PDLIM5: variants seen among roughly 807,000 people sequenced by gnomAD.
PDLIM5 encodes the protein PDZ and LIM domain 5.
PDLIM5 carries 34 observed loss-of-function variants against 64.2 expected under a neutral mutation model. The ratio of observed to expected loss-of-function variants is 0.53; its 90% CI spans 0.40 to 0.71. The LOEUF (loss-of-function observed/expected upper bound fraction) is 0.71, where lower values mean the gene tolerates loss of function less well. PDLIM5 is among the 30% of genes least tolerant of loss of function. The pLI is 0.00. For missense variants in PDLIM5, 683 were observed against 733.6 expected (o/e 0.93, Z 0.80); for synonymous variants, 253 against 269.1 (o/e 0.94, Z 0.59).
chr4:94,652,152 A>G (rs560295562), intron 9 of PDLIM5, among the ~76,000 whole-genome samples: 2 of 152,342 alleles, frequency 1.3e-5, no homozygotes, highest in South Asian at 4.1e-4. Context: ...TGTTCCAGGT[A>G]CATACCAACA....
At chr4:94,532,560 C>G (rs551553048) in intron 3 of PDLIM5, among the ~76,000 whole-genome samples, 1 of 152,140 alleles carries the variant, frequency 6.6e-6, no homozygotes, top group African/African-American at 2.4e-5. Context: ...GCGCCTGGGT[C>G]GTGACTGCCC....
At chr4:94,613,145 A>G (rs1738510494) in intron 7 of PDLIM5, among the ~76,000 whole-genome samples, 1 of 152,100 alleles carries the variant, frequency 6.6e-6, no homozygotes, top group Non-Finnish European at 1.5e-5. Flanking sequence ...GCTTGTAACT[A>G]AGGCCTTTCC....
intron 1 of PDLIM5, among the ~76,000 whole-genome samples, chr4:94,453,481 G>C (rs1723046558): frequency 6.6e-6 from 1 of 152,172 alleles, no homozygotes; most frequent in South Asian, 2.1e-4. Context: ...CCCAAGTAAA[G>C]GGAAGTTGCA....
At chr4:94,646,810 C>T (rs975146191) in intron 9 of PDLIM5, among the ~76,000 whole-genome samples, 2 of 152,152 alleles carry the variant, frequency 1.3e-5, no homozygotes, top group Admixed American at 6.5e-5. Context: ...CGTGCTCACA[C>T]CCGAATGATG....
At position 94,666,967 on chromosome 4, in the gene PDLIM5, C is replaced by T. The variant is rs1743110071; in HGVS notation, c.*2900C>T. 1 of 152,144 alleles carries T rather than the reference C, an allele frequency of 6.6e-6. No individual in the cohort carries two copies. Among genetic ancestry groups the T allele is most frequent in the Non-Finnish European group, 1.5e-5 (1 of 68,024 alleles). 9.4% of individuals were successfully genotyped at this position (152,144 alleles called of 1,614,324 possible). The stretch of plus-strand genomic sequence containing the variant: ...CATATTTAATTCACCAGCAGTAATC[C>T]TTTAATAACTGGCAGAGCACTTTAT... On this transcript the variant is annotated 3_prime_UTR_variant, in exon 13 of 13. Transcript: ENST00000317968.
intron 2 of PDLIM5, among the ~76,000 whole-genome samples, chr4:94,521,690 C>T (rs186026780): frequency 1.6e-4 from 25 of 151,574 alleles, no homozygotes; most frequent in African/African-American, 5.3e-4. Flanking sequence ...TTTCTTTCTA[C>T]GATGTTCATT....
chr4:94,574,439 A>G (rs1735074222), intron 4 of PDLIM5, among the ~76,000 whole-genome samples: 1 of 149,560 alleles, frequency 6.7e-6, no homozygotes, highest in Non-Finnish European at 1.5e-5. Flanking sequence ...TGGAGGTTAC[A>G]GTGAGCTGAG....
intron 2 of PDLIM5, among the ~76,000 whole-genome samples, chr4:94,481,271 T>C (rs1376767879): frequency 6.6e-6 from 1 of 151,312 alleles, no homozygotes; most frequent in Non-Finnish European, 1.5e-5. Context: ...ATCTTGATGC[T>C]GATAAAGACA....
In PDLIM5 at chr4:94,497,018, TTTTAGAAGG is replaced by T. The variant is rs555356483; in HGVS notation, c.97-26701_97-26693del. ...GGCATTAAAATTTGAGACTTCCTGA[TTTTAGAAGG>T]TTTATGCCAAGCAAGTTTGACACTT... is the stretch of plus-strand genomic sequence containing the variant. On this transcript the variant is annotated intron_variant, in intron 2 of 12. Transcript: ENST00000317968. 4.0e-3 allele frequency among the ~76,000 whole-genome samples: 603 copies of T among 152,310 alleles called. 9 individuals carry two copies. Among genetic ancestry groups the T allele is most frequent in the Non-Finnish European group, 6.0e-3 (407 of 68,034 alleles).
chr4:94,456,079 GTTTCAC>G lies in PDLIM5; in HGVS notation c.96+701_96+706del, dbSNP rs72025237. 7.1e-3 allele frequency: 7,378 copies of G among 1,038,878 alleles called. 258 individuals carry two copies. In the African/African-American group the frequency reaches 0.086, roughly 12 times the overall value. The allele number at this position is 1,038,878 out of a possible 1,614,324, so 64.4% of individuals were successfully genotyped here. ...GAGACTTGACTATATGTCAGGTACT[GTTTCAC>G]TTTCATCACCAGTAGGTAATTATTA... On this transcript the variant is annotated intron_variant, in intron 2 of 12. Coordinates refer to ENST00000317968, the MANE Select transcript of PDLIM5 (RefSeq NM_006457.5).
chr4:94,569,831 A>T (rs1304088965), intron 3 of PDLIM5, among the ~76,000 whole-genome samples: 4 of 152,204 alleles, frequency 2.6e-5, no homozygotes. Context: ...ACTTGACAAA[A>T]TGCTTTCTTT....
At chr4:94,470,395 A>T (rs1234087683) in intron 2 of PDLIM5, among the ~76,000 whole-genome samples, 1 of 152,218 alleles carries the variant, frequency 6.6e-6, no homozygotes, top group Non-Finnish European at 1.5e-5. Flanking sequence ...AGTTGTTTAC[A>T]AATTATGCTG....
rs1207742688 is a variant in PDLIM5 at position 94,555,986 on chromosome 4, A to G, written c.249-17365A>G. 2.0e-5 allele frequency among the ~76,000 whole-genome samples: 3 copies of G among 151,940 alleles called. No homozygotes were observed. In the East Asian group the frequency reaches 5.8e-4, roughly 29 times the overall value. ...TTTGTTACATATGTATACATGTGCC[A>G]TGTTGGTGTGCTGCACCCATTAACT... is the stretch of plus-strand genomic sequence containing the variant. On this transcript the variant is annotated intron_variant, in intron 3 of 12. Coordinates refer to ENST00000317968, the MANE Select transcript of PDLIM5 (RefSeq NM_006457.5).
intron 8 of PDLIM5, among the ~76,000 whole-genome samples, chr4:94,621,362 C>T (rs1432151954): frequency 1.3e-5 from 2 of 152,016 alleles, no homozygotes; most frequent in African/African-American, 4.8e-5. Flanking sequence ...TGAGTTATTT[C>T]TATTTATTTA....
chr4:94,644,221 C>A (rs1052019921), intron 9 of PDLIM5, among the ~76,000 whole-genome samples: 3 of 152,182 alleles, frequency 2.0e-5, no homozygotes, highest in African/African-American at 7.2e-5. Context: ...ATGATTATTC[C>A]ACTTCAAGGT....
chr4:94,634,979 A>G (rs1024909936), intron 8 of PDLIM5, among the ~76,000 whole-genome samples: 1 of 152,228 alleles, frequency 6.6e-6, no homozygotes, highest in Non-Finnish European at 1.5e-5. Context: ...TAGGTTTTCC[A>G]GTAAATTTAT....
At chr4:94,598,937 A>T (rs1304166706) in intron 7 of PDLIM5, among the ~76,000 whole-genome samples, 1 of 152,082 alleles carries the variant, frequency 6.6e-6, no homozygotes, top group African/African-American at 2.4e-5. Flanking sequence ...TGAGACAGGA[A>T]TCAGTTGGTG....
At chr4:94,505,097 T>C (rs889628420) in intron 2 of PDLIM5, among the ~76,000 whole-genome samples, 1 of 152,182 alleles carries the variant, frequency 6.6e-6, no homozygotes, top group African/African-American at 2.4e-5. Context: ...AATAGACATG[T>C]GGGGATATTT....
rs146105630 is a variant in PDLIM5, at chr4:94,561,539, CAT to C, written c.249-11811_249-11810del. Among the ~76,000 whole-genome samples the C allele has an allele frequency of 5.7e-3, 861 of 152,256 alleles. 7 individuals carry two copies. The highest frequency in any genetic ancestry group is 0.019 in the African/African-American group (802 of 41,544). Reference sequence around the variant, plus strand: ...GTTTTTTAAAGATCACAGCATGGAACATGTGTTTTTTTCTATGCACTGGTTGT... The same window carrying C: ...GTTTTTTAAAGATCACAGCATGGAACGTGTTTTTTTCTATGCACTGGTTGT... On this transcript the variant is annotated intron_variant, in intron 3 of 12. Transcript: ENST00000317968.
Sources: allele counts gnomAD v4.1 joint callset (sites outside exome capture counted in the v4.1 genomes callset), GRCh38; gene constraint gnomAD v4.1.1; transcripts MANE v1.5; gene names NCBI Gene and HGNC (gene_info 2026-07-23, HGNC 2026-07-21).